PDE1C: variants seen among roughly 807,000 people sequenced by gnomAD.
PDE1C encodes the protein dual specificity calcium/calmodulin-dependent 3',5'-cyclic nucleotide phosphodiesterase 1C.
In PDE1C, 62 loss-of-function variants were observed where a neutral mutation model predicts 93.1. The ratio of observed to expected loss-of-function variants is 0.67; its 90% CI spans 0.54 to 0.82. PDE1C has a LOEUF of 0.82. Among genes scored for constraint, PDE1C ranks in the 40% least tolerant of loss-of-function variants. The probability of loss-of-function intolerance (pLI) is 0.00; values close to 1 mark genes in which losing one functional copy is unlikely to be tolerated. For missense variants in PDE1C, 742 were observed against 884.6 expected, an observed-to-expected ratio of 0.84 and a Z score of 2.04; for synonymous variants, 325 against 310.1, an observed-to-expected ratio of 1.05 and a Z score of -0.50.
At chr7:32,092,512 A>T (rs1009574734) in intron 3 of PDE1C, among the ~76,000 whole-genome samples, 13 of 152,134 alleles carry the variant, frequency 8.5e-5, no homozygotes, top group Non-Finnish European at 1.8e-4. Flanking sequence ...CTACATAAAA[A>T]ACACAGGCAT....
intron 17 of PDE1C, among the ~76,000 whole-genome samples, chr7:31,759,930 G>A (rs985199856): frequency 3.4e-5 from 5 of 149,192 alleles, no homozygotes; most frequent in Admixed American, 1.3e-4. Flanking sequence ...ATTTTTCTTC[G>A]TGGCTACTTT....
chr7:32,018,089 A>C (rs887368595), intron 2 of PDE1C, among the ~76,000 whole-genome samples: 4 of 151,938 alleles, frequency 2.6e-5, no homozygotes, highest in South Asian at 4.2e-4. Flanking sequence ...CCTGTCTAAA[A>C]AAAAAAGAAA....
At chr7:32,089,550 C>T in intron 3 of PDE1C, among the ~76,000 whole-genome samples, 1 of 152,132 alleles carries the variant, frequency 6.6e-6, no homozygotes. Flanking sequence ...AACCACTAGT[C>T]GAAGGCTACA....
chr7:31,876,274 T>A (rs181679645), intron 5 of PDE1C, among the ~76,000 whole-genome samples: 2 of 152,316 alleles, frequency 1.3e-5, no homozygotes, highest in East Asian at 3.9e-4. Flanking sequence ...CAACAATATA[T>A]GTGAGGAGAA....
At chr7:31,963,655 A>C (rs1437732364) in intron 2 of PDE1C, among the ~76,000 whole-genome samples, 2 of 152,222 alleles carry the variant, frequency 1.3e-5, no homozygotes, top group Non-Finnish European at 2.9e-5. Context: ...ATTTTCTTAT[A>C]AGGATTAAAA....
chr7:31,829,317 A>G (rs981911941), intron 11 of PDE1C, among the ~76,000 whole-genome samples: 1 of 152,192 alleles, frequency 6.6e-6, no homozygotes, highest in Admixed American at 6.5e-5. Flanking sequence ...ATGAAAGAGG[A>G]AAATGCATGT....
At chr7:31,783,243 T>C (rs1404703431) in intron 16 of PDE1C, among the ~76,000 whole-genome samples, 1 of 152,198 alleles carries the variant, frequency 6.6e-6, no homozygotes, top group Non-Finnish European at 1.5e-5. Context: ...CCATGAATGC[T>C]GAGATTTCTT....
chr7:31,768,386 G>A (rs1795274471), intron 17 of PDE1C, among the ~76,000 whole-genome samples: 2 of 152,202 alleles, frequency 1.3e-5, no homozygotes, highest in Admixed American at 6.5e-5. Flanking sequence ...CTGTGTCAGT[G>A]TATGTTATTC....
intron 1 of PDE1C, among the ~76,000 whole-genome samples, chr7:32,062,622 T>C (rs1434181535): frequency 6.6e-6 from 1 of 152,164 alleles, no homozygotes; most frequent in Non-Finnish European, 1.5e-5. Flanking sequence ...GGTCCTCTCT[T>C]CTATGTTTTC....
chr7:32,311,448 C>T (rs889754827), intron 1 of PDE1C, among the ~76,000 whole-genome samples: 1 of 152,084 alleles, frequency 6.6e-6, no homozygotes, highest in Non-Finnish European at 1.5e-5. Context: ...AGAGACACAA[C>T]CAAAAAAGAG....
chr7:32,095,793 T>C (rs1280837052), intron 3 of PDE1C, among the ~76,000 whole-genome samples: 1 of 152,160 alleles, frequency 6.6e-6, no homozygotes, highest in Non-Finnish European at 1.5e-5. Flanking sequence ...GATGTGAATA[T>C]ACTGTCCAGG....
the PDE1C span, among the ~76,000 whole-genome samples, chr7:31,698,407 C>T: frequency 6.6e-6 from 1 of 152,168 alleles, no homozygotes; most frequent in African/African-American, 2.4e-5. Flanking sequence ...CACCACTTAC[C>T]TGTATACCAA....
chr7:32,022,216 A>C (rs1296851467), intron 2 of PDE1C, among the ~76,000 whole-genome samples: 1 of 152,106 alleles, frequency 6.6e-6, no homozygotes, highest in African/African-American at 2.4e-5. Flanking sequence ...GAGAACAAAT[A>C]AACACTAAAA....
intron 15 of PDE1C, among the ~76,000 whole-genome samples, chr7:31,814,013 T>C (rs1288517037): frequency 8.4e-6 from 1 of 119,626 alleles, no homozygotes; most frequent in Non-Finnish European, 1.8e-5. Flanking sequence ...CTGAATAGTA[T>C]TCCATCGTGT....
intron 3 of PDE1C, among the ~76,000 whole-genome samples, chr7:32,082,655 C>T (rs1177349250): frequency 6.6e-6 from 1 of 152,176 alleles, no homozygotes; most frequent in African/African-American, 2.4e-5. Context: ...TGAGACAAAA[C>T]TTCCAGAGGA....
intron 2 of PDE1C, among the ~76,000 whole-genome samples, chr7:31,899,305 A>AT (rs755948764): frequency 2.0e-5 from 3 of 151,642 alleles, no homozygotes; most frequent in East Asian, 3.9e-4. Context: ...CGCCTGGCTA[A>AT]TTTTTTTGTA....
At chr7:32,043,157 A>G (rs1038047743) in intron 2 of PDE1C, among the ~76,000 whole-genome samples, 1 of 152,170 alleles carries the variant, frequency 6.6e-6, no homozygotes, top group African/African-American at 2.4e-5. Context: ...TGCACAGGAC[A>G]GCCCCTACAG....
chr7:32,349,633 ATTTT>A (rs567704676), intron 1 of PDE1C, among the ~76,000 whole-genome samples: 1 of 148,966 alleles, frequency 6.7e-6, no homozygotes, highest in Non-Finnish European at 1.5e-5. Flanking sequence ...TAAAGTTGAA[ATTTT>A]TTTTTTTTGA....
intron 13 of PDE1C, among the ~76,000 whole-genome samples, chr7:31,824,145 T>G (rs958636552): frequency 1.3e-5 from 2 of 152,140 alleles, no homozygotes; most frequent in African/African-American, 4.8e-5. Flanking sequence ...TCTTCCTCCT[T>G]TATGACAAAG....
Sources: allele counts gnomAD v4.1 joint callset (sites outside exome capture counted in the v4.1 genomes callset), GRCh38; gene constraint gnomAD v4.1.1; transcripts MANE v1.5; gene names NCBI Gene and HGNC (gene_info 2026-07-23, HGNC 2026-07-21).